SEMA5A: variants seen among roughly 807,000 people sequenced by gnomAD.
SEMA5A encodes semaphorin 5A, also known as semaphorin-5A.
In SEMA5A, 55 loss-of-function variants were observed where a neutral mutation model predicts 135.5. The observed-to-expected ratio is 0.41, with a 90% CI of 0.33 to 0.51. The LOEUF is 0.51. Ranked by LOEUF, SEMA5A falls within the 20% of genes least tolerant of loss-of-function variation. The pLI, the probability that SEMA5A is intolerant of heterozygous loss-of-function variation, is 0.37. For synonymous variants in SEMA5A, 580 were observed against 546.5 expected, an observed-to-expected ratio of 1.06 and a Z score of -0.85; for missense variants, 1,290 against 1,419.9, an observed-to-expected ratio of 0.91 and a Z score of 1.47.
In SEMA5A at chr5:9,122,737, G is replaced by A. The variant is rs1213621488; in HGVS notation, c.1700C>T (p.Thr567Ile). The change falls in exon 14 of 23, where the codon ACC (threonine) becomes ATC (isoleucine). Residue 567 changes from threonine to isoleucine, a missense_variant. Thr to Ile is a moderately conservative substitution (Grantham distance 89). Around this residue, in one of 3 missense-constraint regions of SEMA5A, gnomAD observed 1,029 missense variants for 1,086.6 expected, o/e 0.95. Transcript: ENST00000382496. ...CGGGGCCGGGCTGTCGCAGGAGCGGGTTCGACAGAGGCAGGATCCCACGGC... is the reference window on the plus strand; with the variant it reads ...CGGGGCCGGGCTGTCGCAGGAGCGGATTCGACAGAGGCAGGATCCCACGGC... ...GSAVGSCLCR[T>I]RSCDSPAPQC... The A allele has an allele frequency of 3.1e-6, 5 of 1,613,570 alleles. No homozygotes were observed. The highest frequency in any genetic ancestry group is 4.2e-6 in the Non-Finnish European group (5 of 1,179,932).
intron 5 of SEMA5A, among the ~76,000 whole-genome samples, chr5:9,297,774 C>T (rs1443349785): frequency 6.6e-6 from 1 of 150,472 alleles, no homozygotes; most frequent in Non-Finnish European, 1.5e-5. Flanking sequence ...GTTGCCCAGA[C>T]TGGTCTTGAA....
chr5:9,270,404 A>T (rs995435524), intron 5 of SEMA5A, among the ~76,000 whole-genome samples: 2 of 152,068 alleles, frequency 1.3e-5, no homozygotes, highest in Non-Finnish European at 2.9e-5. Context: ...ACCTGGGGTG[A>T]TCTACGAGAA....
intron 1 of SEMA5A, among the ~76,000 whole-genome samples, chr5:9,474,658 A>T (rs1759603148): frequency 6.6e-6 from 1 of 152,198 alleles, no homozygotes; most frequent in Admixed American, 6.5e-5. Flanking sequence ...TGATTGCAGA[A>T]TCATTTCCAT....
At chr5:9,154,451 C>T in intron 12 of SEMA5A, 37 bp downstream of exon 12, 1 of 1,604,304 alleles carries the variant, frequency 6.2e-7, no homozygotes, top group Non-Finnish European at 8.5e-7. Flanking sequence ...GCCCTTCACA[C>T]ACACACCAGT....
chr5:9,341,763 G>A (rs1579376516), intron 3 of SEMA5A, among the ~76,000 whole-genome samples: 2 of 150,048 alleles, frequency 1.3e-5, no homozygotes, highest in East Asian at 3.9e-4. Flanking sequence ...AATATTTGAG[G>A]TTAACTATCC....
At chr5:9,284,822 G>A (rs1750714315) in intron 5 of SEMA5A, among the ~76,000 whole-genome samples, 1 of 152,196 alleles carries the variant, frequency 6.6e-6, no homozygotes, top group African/African-American at 2.4e-5. Context: ...AGCTCTCCTT[G>A]TGATAATGTA....
At position 9,253,547 on chromosome 5, in the gene SEMA5A, A is replaced by G. The variant is rs531419528; in HGVS notation, c.271-15657T>C. On this transcript the variant is annotated intron_variant, in intron 5 of 22. Transcript: ENST00000382496. ...TATTTGCATATTCAAAGACTTTATC[A>G]GTCTTCATAACCATTTTGATTGGTC... 8.5e-5 allele frequency among the ~76,000 whole-genome samples: 13 copies of G among 152,310 alleles called. No homozygotes were observed. In the East Asian group the frequency reaches 2.1e-3, roughly 25 times the overall value.
chr5:9,071,578 A>G (rs1317496303), intron 16 of SEMA5A, among the ~76,000 whole-genome samples: 1 of 152,192 alleles, frequency 6.6e-6, no homozygotes, highest in African/African-American at 2.4e-5. Flanking sequence ...ACAGATTTAG[A>G]TAGTTAAGTG....
intron 5 of SEMA5A, among the ~76,000 whole-genome samples, chr5:9,315,332 A>C (rs990270498): frequency 6.6e-6 from 1 of 152,178 alleles, no homozygotes; most frequent in Non-Finnish European, 1.5e-5. Flanking sequence ...CATTATCCCT[A>C]TATCTTTTAG....
At chr5:9,355,355 AG>A (rs972400719) in intron 3 of SEMA5A, among the ~76,000 whole-genome samples, 29 of 152,190 alleles carry the variant, frequency 1.9e-4, no homozygotes, top group Non-Finnish European at 1.5e-5. Context: ...TGGTCTGCAG[AG>A]GATGGAGAAT....
chr5:9,376,986 G>A (rs934794567), intron 3 of SEMA5A, among the ~76,000 whole-genome samples: 2 of 151,794 alleles, frequency 1.3e-5, no homozygotes, highest in African/African-American at 4.8e-5. Flanking sequence ...GTTTACAGGA[G>A]GCATTACTCA....
rs371170242 is a variant in SEMA5A, at chr5:9,150,356, A to G, written c.1481+4132T>C. ...TCAATAAGGCCTAAAATGAAAAAGG[A>G]TATGCATGAATAGTGCAGTTTCTCT... is the stretch of plus-strand genomic sequence containing the variant. On this transcript the variant is annotated intron_variant, in intron 12 of 22. Transcript: ENST00000382496. Among the ~76,000 whole-genome samples the G allele has an allele frequency of 2.0e-4, 30 of 152,320 alleles. No homozygotes were observed. In the South Asian group the frequency reaches 6.0e-3, roughly 31 times the overall value.
intron 3 of SEMA5A, among the ~76,000 whole-genome samples, chr5:9,368,569 C>T (rs1402788080): frequency 2.6e-5 from 4 of 152,152 alleles, no homozygotes; most frequent in Admixed American, 6.5e-5. Flanking sequence ...CTTCCTTGAC[C>T]CTATATCCAG....
chr5:9,353,120 A>AG lies in SEMA5A; in HGVS notation c.125-15309dup, dbSNP rs1207413554. Among the ~76,000 whole-genome samples the AG allele has an allele frequency of 8.8e-4, 59 of 66,728 alleles. 4 individuals are homozygous for AG. The highest frequency in any genetic ancestry group is 3.0e-3 in the African/African-American group (44 of 14,512). The allele number at this position is 66,728 out of a possible 152,430, so 43.8% of individuals were successfully genotyped here. A position where few individuals can be genotyped will look rare whatever the true frequency, so the allele number is the denominator to read the frequency against. On this transcript the variant is annotated intron_variant, in intron 3 of 22. Coordinates refer to ENST00000382496, the MANE Select transcript of SEMA5A (RefSeq NM_003966.3). ...AAGGAAGGAAAGGAAAGGAAAGGAA[A>AG]GGAAAGGAAAGGAAAGGAAAGGAAA... is the stretch of plus-strand genomic sequence containing the variant.
At chr5:9,227,710 C>T (rs191901493) in intron 6 of SEMA5A, among the ~76,000 whole-genome samples, 325 of 152,218 alleles carry the variant, frequency 2.1e-3, no homozygotes, top group African/African-American at 7.4e-3. Context: ...GCCACCACGC[C>T]CGGCCAATTT....
chr5:9,427,236 A>G (rs919388586), intron 2 of SEMA5A, among the ~76,000 whole-genome samples: 73 of 152,076 alleles, frequency 4.8e-4, no homozygotes, highest in African/African-American at 1.7e-3. Context: ...TCTTGAACCT[A>G]GAAGGCAGAG....
At chr5:9,283,896 G>A (rs561547291) in intron 5 of SEMA5A, among the ~76,000 whole-genome samples, 1 of 152,268 alleles carries the variant, frequency 6.6e-6, no homozygotes, top group South Asian at 2.1e-4. Context: ...TTATTTTCAT[G>A]ATTGCAGGAC....
At chr5:9,056,557 A>G (rs1736903889) in intron 18 of SEMA5A, among the ~76,000 whole-genome samples, 1 of 152,168 alleles carries the variant, frequency 6.6e-6, no homozygotes, top group Non-Finnish European at 1.5e-5. Context: ...CCCTGTCTCT[A>G]CTAAAAACAC....
intron 11 of SEMA5A, among the ~76,000 whole-genome samples, chr5:9,170,017 C>T (rs1237144342): frequency 6.6e-6 from 1 of 152,164 alleles, no homozygotes; most frequent in African/African-American, 2.4e-5. Context: ...GTGTTACTTG[C>T]AGGGAATTAT....
Sources: gnomAD v4.1 joint callset for allele counts (sites outside exome capture counted in the v4.1 genomes callset) on GRCh38, gnomAD v4.1.1 for gene constraint, gnomAD v4.1.1 regional missense constraint, MANE v1.5 for transcripts, NCBI Gene and HGNC (gene_info 2026-07-23, HGNC 2026-07-21) for gene names.